The following TBX2 variants were observed in gnomAD, a reference collection of about 807,000 sequenced individuals.
TBX2 encodes the protein T-box transcription factor TBX2.
TBX2 carries 19 observed loss-of-function variants against 48.4 expected under a neutral mutation model. The ratio of observed to expected loss-of-function variants is 0.39; its 90% CI spans 0.27 to 0.58. The LOEUF (loss-of-function observed/expected upper bound fraction) is 0.58, where lower values mean the gene tolerates loss of function less well. Ranked by LOEUF, TBX2 falls within the 20% of genes least tolerant of loss-of-function variation. The probability of loss-of-function intolerance (pLI) is 0.54; values close to 1 mark genes in which losing one functional copy is unlikely to be tolerated. For synonymous variants in TBX2, 522 were observed against 459.7 expected (o/e 1.14, Z -1.73); for missense variants, 994 against 1,006.5 (o/e 0.99, Z 0.17).
Position 61,405,527 on chromosome 17 carries a change from C to A in TBX2, c.1377C>A (p.Pro459=). Residue 459 remains proline, a synonymous_variant, in exon 6 of 7, where the codon CCC becomes CCA. Transcript: ENST00000240328. ...TGGTGCAGACAGACAGTGCGTCCCC[C>A]CTGGGCGCCGGACACCTGCCCGGCC... ...PLVVQTDSAS[P]LGAGHLPGLA... 5 of 1,590,298 alleles carry A rather than the reference C, an allele frequency of 3.1e-6. No individual in the cohort carries two copies. The highest frequency in any genetic ancestry group is 4.3e-6 in the Non-Finnish European group (5 of 1,171,600).
chr17:61,400,560 C>G lies in TBX2; in HGVS notation c.384C>G (p.Thr128=), dbSNP rs1603240628. The part of the protein sequence containing the change: ...FHKLGTEMVI[T]KSGRRMFPPF... ...AGCTAGGCACGGAGATGGTCATCAC[C>G]AAGTCCGGGAGGTAGGGCTGCCGGC... is the stretch of plus-strand genomic sequence containing the variant. The change falls in exon 1 of 7, where the codon ACC becomes ACG. Residue 128 remains threonine, a synonymous_variant. Coordinates refer to ENST00000240328, the MANE Select transcript of TBX2 (RefSeq NM_005994.4). This position sits in a 1 kb window ranked among gnomAD's most constrained non-coding sequence, Gnocchi z 9.2. 2 of 1,558,212 alleles carry G rather than the reference C, an allele frequency of 1.3e-6. No homozygotes were observed. The highest frequency in any genetic ancestry group is 1.7e-6 in the Non-Finnish European group (2 of 1,150,996).
chr17:61,402,950 G>GAC (rs2060270010), intron 2 of TBX2, 111 bp from the exon 3 acceptor site: 5 of 984,198 alleles, frequency 5.1e-6, no homozygotes, highest in Non-Finnish European at 6.5e-6. Flanking sequence ...GAGAGAGAGA[G>GAC]AGAGAGAGAG....
At position 61,408,294 on chromosome 17, in the gene TBX2, T is replaced by C; in HGVS notation, c.1927T>C (p.Ser643Pro). The change falls in exon 7 of 7, where the codon TCT becomes CCT. Residue 643 changes from serine to proline, a missense_variant. Ser to Pro is a moderately conservative substitution (Grantham distance 74). Coordinates refer to ENST00000240328, the MANE Select transcript of TBX2 (RefSeq NM_005994.4). ...TAGCCTCCTCACCACCGGGCTGGCC[T>C]CTGAGGGCTCCAAGGCCGCTGGTGG... ...STSLLTTGLA[S>P]EGSKAAGGNS... 1 of 1,612,474 alleles carries C rather than the reference T, an allele frequency of 6.2e-7. No individual in the cohort carries two copies. The highest frequency in any genetic ancestry group is 8.5e-7 in the Non-Finnish European group (1 of 1,179,834).
Position 61,406,751 on chromosome 17 carries a change from G to T in TBX2, c.1686+915G>T, listed in dbSNP as rs368650871. ...TTGGGTTGGTGGGTGGGGGGGTGGGGGGTTGGGAGGCAGGCGATTCTGAAA... is the reference window on the plus strand; with the variant it reads ...TTGGGTTGGTGGGTGGGGGGGTGGGTGGTTGGGAGGCAGGCGATTCTGAAA... On this transcript the variant is annotated intron_variant, in intron 6 of 6. Transcript: ENST00000240328. The surrounding 1 kb of genome is among the most constrained non-coding windows in gnomAD (Gnocchi z 5.7). 10 of 138,304 alleles carry T rather than the reference G, an allele frequency of 7.2e-5. No homozygotes were observed. The highest frequency in any genetic ancestry group is 2.8e-4 in the African/African-American group (10 of 36,006). 8.6% of individuals were successfully genotyped at this position (138,304 alleles called of 1,614,324 possible).
Position 61,408,430 on chromosome 17 carries a change from T to A in TBX2, c.2063T>A (p.Leu688Gln). 6.5e-7 allele frequency: 1 copy of A among 1,527,258 alleles called. No individual in the cohort carries two copies. The highest frequency in any genetic ancestry group is 8.8e-7 in the Non-Finnish European group (1 of 1,135,512). The allele number at this position is 1,527,258 out of a possible 1,614,324, so 94.6% of individuals were successfully genotyped here. The change falls in exon 7 of 7, where the codon CTG (leucine) becomes CAG (glutamine). Residue 688 changes from leucine to glutamine, a missense_variant. By Grantham distance (113) the Leu-to-Gln change is moderately radical. Coordinates refer to ENST00000240328, the MANE Select transcript of TBX2 (RefSeq NM_005994.4). ...SGSAKEAANE[L>Q]QSIQRLVSGL... ...TCGGCCAAGGAGGCGGCCAATGAAC[T>A]GCAGAGCATCCAGAGACTGGTGAGT...
chr17:61,404,545 G>A (rs1216997056), intron 4 of TBX2, 48 bp downstream of exon 4: 1 of 1,589,624 alleles, frequency 6.3e-7, no homozygotes. Flanking sequence ...CGCGGGAGCA[G>A]CGAGCAGGAG....
Position 61,403,109 on chromosome 17 carries a change from C to A in TBX2, c.712C>A (p.Arg238=), listed in dbSNP as rs752811405. The A allele has an allele frequency of 1.9e-5, 31 of 1,613,686 alleles. No individual in the cohort carries two copies. The highest frequency in any genetic ancestry group is 2.6e-5 in the Non-Finnish European group (31 of 1,180,012). Residue 238 remains arginine (R), a synonymous_variant, in exon 3 of 7, where the codon CGA becomes AGA. Transcript: ENST00000240328. The surrounding 1 kb of genome is among the most constrained non-coding windows in gnomAD (Gnocchi z 5.8). The part of the protein sequence containing the change: ...HKYQPRFHIV[R]ANDILKLPYS... ...GTACCAGCCGCGCTTCCACATAGTG[C>A]GAGCCAACGACATCCTGAAGCTGCC...
chr17:61,401,214 C>T (rs1016944305), intron 1 of TBX2, among the ~76,000 whole-genome samples: 8 of 152,142 alleles, frequency 5.3e-5, no homozygotes, highest in Admixed American at 5.2e-4. Context: ...TCACCCTCTT[C>T]CCCCGAACTG....
chr17:61,401,286 T>C lies in TBX2; in HGVS notation c.396-398T>C, dbSNP rs551662095. Among the ~76,000 whole-genome samples, 7 of 152,100 alleles carry C rather than the reference T, an allele frequency of 4.6e-5. No homozygotes were observed. In the East Asian group the frequency reaches 1.2e-3, roughly 25 times the overall value. Reference sequence around the variant, plus strand: ...TTCCCAATACAAACACCCTCCAGATTTATTTCTGGGAGCTTCCGTCCCAAG... The same window carrying C: ...TTCCCAATACAAACACCCTCCAGATCTATTTCTGGGAGCTTCCGTCCCAAG... On this transcript the variant is annotated intron_variant, in intron 1 of 6. Coordinates refer to ENST00000240328, the MANE Select transcript of TBX2 (RefSeq NM_005994.4).
In TBX2 at chr17:61,408,766, C is replaced by T. The variant is rs1028891934; in HGVS notation, c.*260C>T. ...TCCGCTCCAGCGTCAAGGTGGCATC[C>T]GAAGGTGTCTCTGGTCTTCCAGCGA... On this transcript the variant is annotated 3_prime_UTR_variant, in exon 7 of 7. Coordinates refer to ENST00000240328, the MANE Select transcript of TBX2 (RefSeq NM_005994.4). 1.8e-5 allele frequency: 7 copies of T among 390,862 alleles called. No individual in the cohort carries two copies. The highest frequency in any genetic ancestry group is 2.7e-5 in the Non-Finnish European group (6 of 223,068). The allele number at this position is 390,862 out of a possible 1,614,324, so 24.2% of individuals were successfully genotyped here. A position where few individuals can be genotyped will look rare whatever the true frequency, so the allele number is the denominator to read the frequency against.
rs768292647 is a variant in TBX2, at chr17:61,403,044, C to T, written c.664-17C>T. 1.2e-6 allele frequency: 2 copies of T among 1,600,140 alleles called. No individual in the cohort carries two copies. The highest frequency in any genetic ancestry group is 1.7e-6 in the Non-Finnish European group (2 of 1,174,280). On this transcript the variant is annotated splice_polypyrimidine_tract_variant and intron_variant, in intron 2 of 6. Transcript: ENST00000240328. The surrounding 1 kb of genome is among the most constrained non-coding windows in gnomAD (Gnocchi z 5.8). The stretch of plus-strand genomic sequence containing the variant: ...CCGGGGCTGGTGGCTGCCGGCTGAC[C>T]CCCACCCTCCCCGCAGACCATCCTA...
In TBX2 at chr17:61,408,878, C is replaced by G; in HGVS notation, c.*372C>G. On this transcript the variant is annotated 3_prime_UTR_variant, in exon 7 of 7. Transcript: ENST00000240328. Reference sequence around the variant, plus strand: ...AGGGGTGGGAGCATCGGAGGGAGTCCCAGAGCCCTGGACCTTGGGCCTAGA... The same window carrying G: ...AGGGGTGGGAGCATCGGAGGGAGTCGCAGAGCCCTGGACCTTGGGCCTAGA... 1 of 198,938 alleles carries G rather than the reference C, an allele frequency of 5.0e-6. No individual in the cohort carries two copies. Among genetic ancestry groups the G allele is most frequent in the South Asian group, 1.9e-4 (1 of 5,380 alleles). 12.3% of individuals were successfully genotyped at this position (198,938 alleles called of 1,614,324 possible).
In TBX2 at chr17:61,405,459, A is replaced by C; in HGVS notation, c.1309A>C (p.Lys437Gln). 1 of 1,576,020 alleles carries C rather than the reference A, an allele frequency of 6.3e-7. No homozygotes were observed. The change falls in exon 6 of 7, where the codon AAG becomes CAG. Residue 437 changes from lysine (K) to glutamine (Q), a missense_variant. Lys to Gln is a moderately conservative substitution (Grantham distance 53, BLOSUM62 1). This residue lies in a region of TBX2 where 639 missense variants were observed against 613.2 expected (regional missense o/e 1.04). Coordinates refer to ENST00000240328, the MANE Select transcript of TBX2 (RefSeq NM_005994.4). ...AGCTCGGAGGAAGGACGAGGGGCGC[A>C]AGGAGGCGGCCGAGGGCAAGGAGCA... Reference protein sequence around the residue: ...AEARRKDEGRKEAAEGKEQGL... With the variant: ...AEARRKDEGRQEAAEGKEQGL...
chr17:61,407,073 TG>T (rs2060292017), intron 6 of TBX2: 1 of 152,170 alleles, frequency 6.6e-6, no homozygotes, highest in East Asian at 1.9e-4. Context: ...GTAGGGCTGC[TG>T]GTGGTTACAT....
rs182290035 is a variant in TBX2 at position 61,404,704 on chromosome 17, C to A, written c.986C>A (p.Pro329His). 4,393 of 1,567,464 alleles carry A rather than the reference C, an allele frequency of 2.8e-3. 9 individuals carry two copies. Among genetic ancestry groups the A allele is most frequent in the Non-Finnish European group, 3.5e-3 (4,075 of 1,156,888 alleles). ...GACGCCTCGTCGTGCGACCCTCCCCCCGCGCGGGAACCACCCACCTCCCCG... is the reference window on the plus strand; with the variant it reads ...GACGCCTCGTCGTGCGACCCTCCCCACGCGCGGGAACCACCCACCTCCCCG... ...ESDASSCDPP[P>H]AREPPTSPGA... is the part of the protein sequence containing the mutation. Residue 329 changes from proline to histidine, a missense_variant, in exon 5 of 7, where the codon CCC becomes CAC. Physicochemically the swap from Pro to His is moderately conservative, Grantham distance 77 (BLOSUM62 -2). Coordinates refer to ENST00000240328, the MANE Select transcript of TBX2 (RefSeq NM_005994.4).
rs2060259235 is a variant in TBX2, at chr17:61,400,370, C to A, written c.194C>A (p.Ala65Glu). Residue 65 changes from alanine (A) to glutamate (E), a missense_variant, in exon 1 of 7, where the codon GCG becomes GAG. By Grantham distance (107) the Ala-to-Glu change is moderately radical (BLOSUM62 -1). Coordinates refer to ENST00000240328, the MANE Select transcript of TBX2 (RefSeq NM_005994.4). The surrounding 1 kb of genome is among the most constrained non-coding windows in gnomAD (Gnocchi z 9.2). ...PGLAGAAAAA[A>E]AAAAAAEAGL... Reference sequence around the variant, plus strand: ...CTGGCGGGGGCGGCGGCCGCGGCGGCGGCGGCGGCAGCAGCGGCCGAGGCG... The same window carrying A: ...CTGGCGGGGGCGGCGGCCGCGGCGGAGGCGGCGGCAGCAGCGGCCGAGGCG... 9.4e-7 allele frequency: 1 copy of A among 1,068,820 alleles called. No homozygotes were observed. Among genetic ancestry groups the A allele is most frequent in the African/African-American group, 1.7e-5 (1 of 58,770 alleles). 66.2% of individuals were successfully genotyped at this position (1,068,820 alleles called of 1,614,324 possible).
chr17:61,401,449 C>T (rs774751661), intron 1 of TBX2, among the ~76,000 whole-genome samples: 2 of 152,126 alleles, frequency 1.3e-5, no homozygotes, highest in African/African-American at 2.4e-5. Flanking sequence ...GAGCACAAGG[C>T]CTAAAGGAGG....
At chr17:61,401,459 G>A (rs1351428903) in intron 1 of TBX2, among the ~76,000 whole-genome samples, 2 of 152,202 alleles carry the variant, frequency 1.3e-5, no homozygotes, top group East Asian at 3.9e-4. Context: ...CCTAAAGGAG[G>A]CTGTTTAGGA....
chr17:61,404,261 A>G (rs1479235302), intron 3 of TBX2, among the ~76,000 whole-genome samples, 160 bp from the exon 4 acceptor site: 8 of 152,170 alleles, frequency 5.3e-5, no homozygotes, highest in Admixed American at 2.0e-4. Flanking sequence ...AGGCCCTCCC[A>G]CCGGCCTCAG....
Sources: allele counts gnomAD v4.1 joint callset (sites outside exome capture counted in the v4.1 genomes callset), GRCh38; gene constraint gnomAD v4.1.1; regional missense constraint gnomAD v4.1.1; non-coding constraint Gnocchi (gnomAD v3.1); transcripts MANE v1.5; gene names NCBI Gene and HGNC (gene_info 2026-07-23, HGNC 2026-07-21).